The following CPQ variants were observed in gnomAD, a reference collection of about 807,000 sequenced individuals.
CPQ encodes the protein Ser-Met dipeptidase.
In CPQ, 37 loss-of-function variants were observed where a neutral mutation model predicts 45.7. That is an observed-to-expected ratio of 0.81 (90% CI 0.62 to 1.07). The LOEUF is 1.07. Among genes scored for constraint, CPQ ranks in the 50% least tolerant of loss-of-function variants. The pLI, the probability that CPQ is intolerant of heterozygous loss-of-function variation, is 0.00. For missense variants in CPQ, 537 were observed against 572.9 expected (o/e 0.94, Z 0.64); for synonymous variants, 186 against 205.8 (o/e 0.90, Z 0.82).
chr8:97,013,816 G>T (rs529366974), intron 5 of CPQ, among the ~76,000 whole-genome samples: 2 of 152,154 alleles, frequency 1.3e-5, no homozygotes, highest in Admixed American at 1.3e-4. Context: ...ATAGACCAGT[G>T]GTGTCCAAAG....
chr8:97,142,758 T>A (rs1812188880), intron 7 of CPQ, among the ~76,000 whole-genome samples: 1 of 152,230 alleles, frequency 6.6e-6, no homozygotes, highest in Admixed American at 6.5e-5. Context: ...CTGCCTTGAA[T>A]GCAGCATTAG....
At chr8:96,809,999 A>G (rs1002820426) in intron 2 of CPQ, among the ~76,000 whole-genome samples, 8 of 151,868 alleles carry the variant, frequency 5.3e-5, no homozygotes, top group African/African-American at 1.9e-4. Context: ...CTTTGTTATC[A>G]TTTCCTTATG....
chr8:96,840,081 A>G (rs1025353544), intron 3 of CPQ, among the ~76,000 whole-genome samples: 4 of 152,180 alleles, frequency 2.6e-5, no homozygotes, highest in African/African-American at 7.2e-5. Flanking sequence ...TAGAGGAGAT[A>G]ACAGAAATCT....
At chr8:96,935,234 A>C (rs774080133) in intron 4 of CPQ, among the ~76,000 whole-genome samples, 5 of 152,158 alleles carry the variant, frequency 3.3e-5, no homozygotes, top group Non-Finnish European at 5.9e-5. Flanking sequence ...TCCTACAAAT[A>C]GTGTCCAAAA....
At position 97,050,909 on chromosome 8, in the gene CPQ, G is replaced by A. The variant is rs189858623; in HGVS notation, c.1054-15100G>A. Among the ~76,000 whole-genome samples, 23 of 152,032 alleles carry A rather than the reference G, an allele frequency of 1.5e-4. No homozygotes were observed. In the East Asian group the frequency reaches 3.7e-3, roughly 24 times the overall value. On this transcript the variant is annotated intron_variant, in intron 6 of 7. Coordinates refer to ENST00000220763, the MANE Select transcript of CPQ (RefSeq NM_016134.4). ...ATGCCTCGAGAGAACAGAATAGCTT[G>A]GTATATTATAGCCCTTCAAATAAAT...
intron 6 of CPQ, among the ~76,000 whole-genome samples, chr8:97,043,033 G>T (rs1810159955): frequency 6.6e-6 from 1 of 150,428 alleles, no homozygotes. Flanking sequence ...TCAATTCCTG[G>T]GTATCCTTGT....
intron 1 of CPQ, among the ~76,000 whole-genome samples, chr8:96,770,429 C>T (rs1019094682): frequency 1.6e-4 from 25 of 152,158 alleles, no homozygotes; most frequent in African/African-American, 5.5e-4. Context: ...TTCTTCAAGA[C>T]TCCTTCCCCC....
chr8:96,741,978 A>G (rs1810099068), intron 1 of CPQ, among the ~76,000 whole-genome samples: 1 of 144,326 alleles, frequency 6.9e-6, no homozygotes, highest in Admixed American at 7.0e-5. Flanking sequence ...AGTTCTGTAG[A>G]TGTCTATTAG....
chr8:97,000,947 T>C (rs181469813), intron 5 of CPQ, among the ~76,000 whole-genome samples: 204 of 152,318 alleles, frequency 1.3e-3, no homozygotes, highest in Non-Finnish European at 2.1e-3. Flanking sequence ...CTTGTAGAGA[T>C]CTTTCAGTTC....
intron 1 of CPQ, among the ~76,000 whole-genome samples, chr8:96,710,545 C>T (rs1809593142): frequency 1.3e-5 from 2 of 152,116 alleles, no homozygotes; most frequent in African/African-American, 4.8e-5. Context: ...AACCTTGTGT[C>T]ACTATTATTA....
intron 5 of CPQ, among the ~76,000 whole-genome samples, chr8:96,994,216 G>A (rs1199211739): frequency 2.0e-5 from 3 of 152,102 alleles, no homozygotes; most frequent in Non-Finnish European, 4.4e-5. Context: ...TCAGAGTTTT[G>A]TCTATTGAGA....
chr8:96,970,390 T>A (rs1813645405), intron 5 of CPQ, among the ~76,000 whole-genome samples: 1 of 152,206 alleles, frequency 6.6e-6, no homozygotes, highest in Non-Finnish European at 1.5e-5. Context: ...AGCACTCCAC[T>A]GAGTACATAT....
At chr8:96,687,569 T>A (rs538443646) in intron 1 of CPQ, among the ~76,000 whole-genome samples, 1 of 152,226 alleles carries the variant, frequency 6.6e-6, no homozygotes, top group African/African-American at 2.4e-5. Flanking sequence ...TTTTTTTCTA[T>A]TTTCCTGTTT....
intron 2 of CPQ, among the ~76,000 whole-genome samples, chr8:96,812,536 C>T (rs1415785945): frequency 6.6e-6 from 1 of 152,006 alleles, no homozygotes. Flanking sequence ...ATTAGTATGA[C>T]TGGGAAGTAG....
At chr8:97,073,902 G>C (rs114156485) in intron 7 of CPQ, among the ~76,000 whole-genome samples, 2 of 152,168 alleles carry the variant, frequency 1.3e-5, no homozygotes, top group East Asian at 3.9e-4. Flanking sequence ...AGCAGTGTAT[G>C]ACATCCTCAT....
chr8:96,942,364 G>C (rs1350828442), intron 4 of CPQ, among the ~76,000 whole-genome samples: 1 of 152,138 alleles, frequency 6.6e-6, no homozygotes, highest in African/African-American at 2.4e-5. Flanking sequence ...GAATCCTATA[G>C]AGGCAGGTTA....
chr8:96,977,956 C>T (rs1813816878), intron 5 of CPQ, among the ~76,000 whole-genome samples: 2 of 152,008 alleles, frequency 1.3e-5, no homozygotes, highest in Admixed American at 1.3e-4. Flanking sequence ...CCACCTGTTC[C>T]CCAAAAACCT....
intron 2 of CPQ, among the ~76,000 whole-genome samples, chr8:96,825,965 A>G (rs16895079): frequency 0.019 from 2,825 of 152,166 alleles, 78 homozygotes; most frequent in African/African-American, 0.06. Flanking sequence ...TAAAGATGGA[A>G]TTTAGAAAGC....
chr8:96,950,848 C>A (rs1482457082), intron 4 of CPQ, among the ~76,000 whole-genome samples: 1 of 152,050 alleles, frequency 6.6e-6, no homozygotes, highest in African/African-American at 2.4e-5. Flanking sequence ...TTTAGATACA[C>A]AAAAGAGGGA....
Sources: gnomAD v4.1 joint callset for allele counts (sites outside exome capture counted in the v4.1 genomes callset) on GRCh38, gnomAD v4.1.1 for gene constraint, MANE v1.5 for transcripts, NCBI Gene and HGNC (gene_info 2026-07-23, HGNC 2026-07-21) for gene names.